SCOC: variants seen among roughly 807,000 people sequenced by gnomAD.
The protein encoded by SCOC is short coiled-coil protein, also known as short coiled coil protein.
In SCOC, 7 loss-of-function variants were observed where a neutral mutation model predicts 9.9. That is an observed-to-expected ratio of 0.71 (90% CI 0.40 to 1.33). The LOEUF is 1.33. Ranked by LOEUF, SCOC falls within the 40% of genes most tolerant of loss-of-function variation. SCOC has a pLI of 0.01. For synonymous variants in SCOC, 19 were observed against 28.2 expected (o/e 0.67, Z 1.03); for missense variants, 66 against 89.7 (o/e 0.74, Z 1.07).
upstream of SCOC, among the ~76,000 whole-genome samples, chr4:140,342,119 C>T (rs1726539014): frequency 6.6e-6 from 1 of 152,134 alleles, no homozygotes; most frequent in South Asian, 2.1e-4. Context: ...ATATGACATC[C>T]TATTTTCCAC....
chr4:140,282,941 C>T (rs996919430), intron 1 of SCOC, among the ~76,000 whole-genome samples: 1 of 152,188 alleles, frequency 6.6e-6, no homozygotes, highest in Non-Finnish European at 1.5e-5. Context: ...AAAATTTGCT[C>T]TTTGAAATCA....
At chr4:140,373,750 C>T (rs1728181192) in intron 1 of SCOC, 33 bp downstream of exon 1, 1 of 1,531,574 alleles carries the variant, frequency 6.5e-7, no homozygotes, top group African/African-American at 1.4e-5. Context: ...GAGGGCCTGG[C>T]CCCAGGCGAC....
intron 1 of SCOC, chr4:140,284,338 G>A (rs1314830545): frequency 1.3e-5 from 2 of 152,100 alleles, no homozygotes; most frequent in African/African-American, 4.8e-5. Context: ...AAAGTATTTC[G>A]GGGCTATGAA....
At chr4:140,346,397 C>G (rs1382412626) in intron 2 of SCOC, among the ~76,000 whole-genome samples, 1 of 152,134 alleles carries the variant, frequency 6.6e-6, no homozygotes, top group Non-Finnish European at 1.5e-5. Flanking sequence ...AATAGAAAGG[C>G]CTCGAGTCCC....
chr4:140,362,271 G>GTA lies in SCOC; in HGVS notation c.71-16849_71-16848insAT, dbSNP rs1470478098. Among the ~76,000 whole-genome samples the GTA allele has an allele frequency of 1.5e-3, 42 of 27,332 alleles. 8 individuals carry two copies. Among genetic ancestry groups the GTA allele is most frequent in the Non-Finnish European group, 2.2e-3 (30 of 13,524 alleles). The allele number at this position is 27,332 out of a possible 152,430, so 17.9% of individuals were successfully genotyped here. ...CTAAAGACCGGCTAAAGACAGGTGTGTCCTTACTTCTTCTTCTTCTTCTTC... is the reference window on the plus strand; with the variant it reads ...CTAAAGACCGGCTAAAGACAGGTGTGTATCCTTACTTCTTCTTCTTCTTCTTC... On this transcript the variant is annotated intron_variant, in intron 2 of 4. Coordinates refer to the SCOC transcript ENST00000338517.
In SCOC at chr4:140,303,770, G is replaced by T. The variant is rs145135145; in HGVS notation, c.-18-39851G>T. 2.0e-5 allele frequency among the ~76,000 whole-genome samples: 3 copies of T among 152,306 alleles called. No individual in the cohort carries two copies. The East Asian group carries it at 5.8e-4, about 29-fold the overall frequency. ...TAGGGAAATGGAGCTCAGTATAGTG[G>T]AACAGAGTTTCAGGGCTGTTCACTT... On this transcript the variant is annotated intron_variant, in intron 1 of 4. Transcript: ENST00000394205.
chr4:140,296,764 G>A (rs1052255313), intron 1 of SCOC, among the ~76,000 whole-genome samples: 10 of 151,784 alleles, frequency 6.6e-5, no homozygotes, highest in African/African-American at 2.4e-4. Context: ...AATATCACAA[G>A]GTCACGACAA....
At chr4:140,278,252 G>C (rs1482796459) in intron 1 of SCOC, among the ~76,000 whole-genome samples, 2 of 151,934 alleles carry the variant, frequency 1.3e-5, no homozygotes, top group Non-Finnish European at 1.5e-5. Flanking sequence ...ATGCCTTCTT[G>C]CTGTGTCCTC....
intron 2 of SCOC, among the ~76,000 whole-genome samples, chr4:140,354,304 C>A (rs984029806): frequency 1.3e-5 from 2 of 152,000 alleles, no homozygotes; most frequent in African/African-American, 4.8e-5. Context: ...GGATTCCTGT[C>A]CCTTCTGCTT....
intron 1 of SCOC, among the ~76,000 whole-genome samples, chr4:140,287,652 G>A (rs949453109): frequency 6.6e-6 from 1 of 151,836 alleles, no homozygotes; most frequent in Non-Finnish European, 1.5e-5. Flanking sequence ...GAGTATGCAG[G>A]TACATATACC....
chr4:140,306,569 T>C (rs1003245726), intron 1 of SCOC, among the ~76,000 whole-genome samples: 1 of 151,938 alleles, frequency 6.6e-6, no homozygotes, highest in Admixed American at 6.5e-5. Context: ...ATCAAGGAGA[T>C]GTGCCTGGAC....
intron 2 of SCOC, among the ~76,000 whole-genome samples, chr4:140,348,594 C>T (rs1006018479): frequency 1.7e-4 from 21 of 124,412 alleles, no homozygotes; most frequent in Non-Finnish European, 3.4e-4. Context: ...ACACACACAT[C>T]ACATTTTCTT....
chr4:140,276,737 G>A lies in SCOC; in HGVS notation c.-19+19327G>A, dbSNP rs568719790. On this transcript the variant is annotated intron_variant, in intron 1 of 4. Coordinates refer to the SCOC transcript ENST00000394205. The stretch of plus-strand genomic sequence containing the variant: ...CTCCCAAAGTGCTGGGATTACAGGC[G>A]TGAGCCACCTCGGCCAGCCACTCTC... 5.9e-5 allele frequency among the ~76,000 whole-genome samples: 9 copies of A among 152,072 alleles called. No individual in the cohort carries two copies. The South Asian group carries it at 8.3e-4, about 14-fold the overall frequency.
chr4:140,370,343 G>T (rs1235198022), upstream of SCOC, among the ~76,000 whole-genome samples: 1 of 152,120 alleles, frequency 6.6e-6, no homozygotes, highest in Admixed American at 6.5e-5. Flanking sequence ...CAGTTATTGG[G>T]TGCAATGTTC....
chr4:140,373,691 T>G lies in SCOC; in HGVS notation c.-77T>G. 6.5e-7 allele frequency: 1 copy of G among 1,549,928 alleles called. No individual in the cohort carries two copies. Among genetic ancestry groups the G allele is most frequent in the Non-Finnish European group, 8.7e-7 (1 of 1,146,860 alleles). ...CGGCCTGAGGTGTCGGCCGGATCCC[T>G]CCTTCTCCCGGCGCCTCAAGCGGAA... On this transcript the variant is annotated 5_prime_UTR_variant, in exon 1 of 4. Transcript: ENST00000608372.
intron 2 of SCOC, among the ~76,000 whole-genome samples, chr4:140,354,409 C>T (rs1200714731): frequency 3.3e-5 from 5 of 152,000 alleles, no homozygotes; most frequent in Admixed American, 6.6e-5. Flanking sequence ...GACCCCTAAC[C>T]GCTACATTTC....
chr4:140,354,455 G>A (rs141359484), intron 2 of SCOC, among the ~76,000 whole-genome samples: 26 of 149,644 alleles, frequency 1.7e-4, no homozygotes, highest in African/African-American at 5.9e-4. Flanking sequence ...TTTAGTGATC[G>A]TCCACATACA....
At chr4:140,306,173 T>G (rs573128151) in intron 1 of SCOC, among the ~76,000 whole-genome samples, 1 of 152,230 alleles carries the variant, frequency 6.6e-6, no homozygotes, top group South Asian at 2.1e-4. Flanking sequence ...ATGAGGATCA[T>G]AGTCACGTCT....
At chr4:140,312,398 T>A (rs1481258835) in intron 1 of SCOC, among the ~76,000 whole-genome samples, 1 of 152,196 alleles carries the variant, frequency 6.6e-6, no homozygotes, top group Non-Finnish European at 1.5e-5. Flanking sequence ...GATTTACATA[T>A]GTGATTACAT....
Sources: gnomAD v4.1 joint callset for allele counts (sites outside exome capture counted in the v4.1 genomes callset) on GRCh38, gnomAD v4.1.1 for gene constraint, MANE v1.5 for transcripts, NCBI Gene and HGNC (gene_info 2026-07-23, HGNC 2026-07-21) for gene names.